Variants in ADAMTS19 observed in about 807,000 individuals in gnomAD.
ADAMTS19 encodes the protein A disintegrin and metalloproteinase with thrombospondin motifs 19.
In ADAMTS19, 93 loss-of-function variants were observed where a neutral mutation model predicts 153.3. The observed-to-expected ratio is 0.61, with a 90% confidence interval of 0.51 to 0.72. The LOEUF (loss-of-function observed/expected upper bound fraction) is 0.72. Among genes scored for constraint, ADAMTS19 ranks in the 30% least tolerant of loss-of-function variants. The pLI is 0.00. For missense variants in ADAMTS19, 1,482 were observed against 1,552.1 expected (o/e 0.95, Z 0.76); for synonymous variants, 600 against 556.6 (o/e 1.08, Z -1.10).
chr5:129,710,167 C>T lies in ADAMTS19; in HGVS notation c.3312+5776C>T, dbSNP rs1398455383. Among the ~76,000 whole-genome samples, 5 of 152,074 alleles carry T rather than the reference C, an allele frequency of 3.3e-5. No homozygotes were observed. The East Asian group carries it at 9.7e-4, about 29-fold the overall frequency. ...AGCCCTAGTGTGTGTTGTTCCTCTC[C>T]CTGGTCCATGTGTTCTCATTGTTCA... On this transcript the variant is annotated intron_variant, in intron 21 of 22. Transcript: ENST00000274487.
At chr5:129,573,502 T>C (rs1347058144) in intron 7 of ADAMTS19, among the ~76,000 whole-genome samples, 3 of 152,096 alleles carry the variant, frequency 2.0e-5, no homozygotes, top group African/African-American at 7.2e-5. Flanking sequence ...TCTTACTTAA[T>C]GCATGTCTGT....
intron 10 of ADAMTS19, among the ~76,000 whole-genome samples, chr5:129,632,530 A>G (rs1752348668): frequency 6.6e-6 from 1 of 152,016 alleles, no homozygotes. Context: ...TCCTGAAGAT[A>G]GGAGTTTTCC....
chr5:129,462,253 T>C (rs771288937), intron 2 of ADAMTS19, among the ~76,000 whole-genome samples: 2 of 152,154 alleles, frequency 1.3e-5, no homozygotes, highest in South Asian at 4.2e-4. Context: ...ACTCTGACAG[T>C]TGTCTAGAAT....
rs138970575 is a variant in ADAMTS19 at position 129,735,260 on chromosome 5, G to A, written c.3490+151G>A. 183 of 803,642 alleles carry A rather than the reference G, an allele frequency of 2.3e-4. No homozygotes were observed. The African/African-American group carries it at 2.6e-3, about 12-fold the overall frequency. 49.8% of individuals were successfully genotyped at this position (803,642 alleles called of 1,614,324 possible). On this transcript the variant is annotated intron_variant, in intron 22 of 22. Coordinates refer to ENST00000274487, the MANE Select transcript of ADAMTS19 (RefSeq NM_133638.6). ...ATTGGATCCATTTAAATATGATTTC[G>A]TCCAAATGGTCAGGTGGGTAAAAAA...
chr5:129,693,766 C>G (rs912179698), intron 18 of ADAMTS19, among the ~76,000 whole-genome samples: 8 of 152,018 alleles, frequency 5.3e-5, no homozygotes, highest in South Asian at 2.1e-4. Flanking sequence ...TGTTTACATC[C>G]TATAATCAAA....
intron 4 of ADAMTS19, among the ~76,000 whole-genome samples, chr5:129,526,982 A>G (rs1214449683): frequency 6.6e-6 from 1 of 151,938 alleles, no homozygotes; most frequent in African/African-American, 2.4e-5. Flanking sequence ...GAATGTTGGT[A>G]ATCCACTGAC....
At chr5:129,464,388 A>G (rs1396646526) in intron 2 of ADAMTS19, among the ~76,000 whole-genome samples, 1 of 152,174 alleles carries the variant, frequency 6.6e-6, no homozygotes, top group African/African-American at 2.4e-5. Flanking sequence ...TGCAATGGCC[A>G]TGAGTTTGCA....
At chr5:129,677,200 G>C (rs565302235) in intron 16 of ADAMTS19, among the ~76,000 whole-genome samples, 1 of 152,374 alleles carries the variant, frequency 6.6e-6, no homozygotes, top group South Asian at 2.1e-4. Flanking sequence ...ATTGGGCCCA[G>C]CACAGTGGCT....
At chr5:129,642,866 G>T (rs115330431) in intron 11 of ADAMTS19, among the ~76,000 whole-genome samples, 1 of 152,030 alleles carries the variant, frequency 6.6e-6, no homozygotes, top group Non-Finnish European at 1.5e-5. Context: ...CTAGAAATTC[G>T]TCTTAAGAAA....
At chr5:129,527,503 C>T (rs556988331) in intron 4 of ADAMTS19, among the ~76,000 whole-genome samples, 47 of 150,716 alleles carry the variant, frequency 3.1e-4, no homozygotes, top group Non-Finnish European at 5.5e-4. Context: ...AGAAATATCT[C>T]TGAAAGCATG....
chr5:129,617,823 C>T (rs1412324533), intron 8 of ADAMTS19, among the ~76,000 whole-genome samples: 2 of 151,986 alleles, frequency 1.3e-5, no homozygotes, highest in Non-Finnish European at 2.9e-5. Flanking sequence ...CTGAAGGGCA[C>T]ACTTTCACCA....
At chr5:129,535,390 C>A (rs1047051047) in intron 6 of ADAMTS19, among the ~76,000 whole-genome samples, 1 of 152,038 alleles carries the variant, frequency 6.6e-6, no homozygotes, top group Non-Finnish European at 1.5e-5. Flanking sequence ...AACTACAAAC[C>A]ACTGCTCAAT....
intron 7 of ADAMTS19, among the ~76,000 whole-genome samples, chr5:129,571,922 C>CA (rs1482601659): frequency 6.6e-6 from 1 of 151,650 alleles, no homozygotes; most frequent in Non-Finnish European, 1.5e-5. Context: ...TTTATCTCTT[C>CA]AAAAAATGGT....
Position 129,641,891 on chromosome 5 carries a change from A to G in ADAMTS19, c.1803A>G (p.Val601=). 6.2e-7 allele frequency: 1 copy of G among 1,603,554 alleles called. No homozygotes were observed. The highest frequency in any genetic ancestry group is 8.5e-7 in the Non-Finnish European group (1 of 1,173,680). ...HVICTGLWCK[V]EGEKECRTKL... ...TTTGCACAGGATTATGGTGCAAGGTAGAAGGTGAGAAAGAATGCAGAACCA... is the reference window on the plus strand; with the variant it reads ...TTTGCACAGGATTATGGTGCAAGGTGGAAGGTGAGAAAGAATGCAGAACCA... The change falls in exon 11 of 23, where the codon GTA becomes GTG. Residue 601 remains valine, a synonymous_variant. Transcript: ENST00000274487.
chr5:129,536,584 A>G (rs1225875519), intron 6 of ADAMTS19, among the ~76,000 whole-genome samples: 1 of 152,200 alleles, frequency 6.6e-6, no homozygotes, highest in Non-Finnish European at 1.5e-5. Context: ...AGGACTGTAA[A>G]TCATGCTGCT....
Position 129,620,802 on chromosome 5 carries a change from G to T in ADAMTS19, c.1619+44G>T, listed in dbSNP as rs754051960. On this transcript the variant is annotated intron_variant, in intron 9 of 22. Transcript: ENST00000274487. ...GTTTTTGCCTTGTGAATGATTATGT[G>T]TGCTGTTTCTTTTTACAAATAGAGA... 10 of 1,585,688 alleles carry T rather than the reference G, an allele frequency of 6.3e-6. No homozygotes were observed. The East Asian group carries it at 2.3e-4, about 36-fold the overall frequency.
Position 129,648,907 on chromosome 5 carries a change from G to A in ADAMTS19, c.2113G>A (p.Ala705Thr), listed in dbSNP as rs1340017068. The A allele has an allele frequency of 6.2e-6, 10 of 1,613,670 alleles. No individual in the cohort carries two copies. The highest frequency in any genetic ancestry group is 8.5e-6 in the Non-Finnish European group (10 of 1,179,732). Reference protein sequence around the residue: ...LPGFRDWQCQAYSVRTSSPKH... With the variant: ...LPGFRDWQCQTYSVRTSSPKH... ...TGGATTCAGAGACTGGCAATGTCAG[G>A]CTTATAGTGTTAGAACTTCCTCCCC... Residue 705 changes from alanine (A) to threonine (T), a missense_variant, in exon 13 of 23, where the codon GCT becomes ACT. By Grantham distance (58) the Ala-to-Thr change is moderately conservative. Coordinates refer to ENST00000274487, the MANE Select transcript of ADAMTS19 (RefSeq NM_133638.6).
At chr5:129,547,540 G>A (rs1041299827) in intron 6 of ADAMTS19, among the ~76,000 whole-genome samples, 2 of 150,460 alleles carry the variant, frequency 1.3e-5, no homozygotes, top group African/African-American at 5.0e-5. Context: ...GCCAAAAAAA[G>A]TGAGTGAAAA....
At chr5:129,648,091 A>C (rs2127040468) in intron 12 of ADAMTS19, among the ~76,000 whole-genome samples, 196 bp downstream of exon 12, 1 of 152,338 alleles carries the variant, frequency 6.6e-6, no homozygotes, top group South Asian at 2.1e-4. Context: ...CCTTCTAAGA[A>C]TAAGTAATGA....
Sources: allele counts gnomAD v4.1 joint callset (sites outside exome capture counted in the v4.1 genomes callset), GRCh38; gene constraint gnomAD v4.1.1; transcripts MANE v1.5; gene names NCBI Gene and HGNC (gene_info 2026-07-23, HGNC 2026-07-21).